PCGF2: variants seen among roughly 807,000 people sequenced by gnomAD.
PCGF2 encodes polycomb group RING finger protein 2.
In PCGF2, 8 loss-of-function variants were observed where a neutral mutation model predicts 36.1. The ratio of observed to expected loss-of-function variants is 0.22; its 90% CI spans 0.13 to 0.40. The LOEUF (loss-of-function observed/expected upper bound fraction) is 0.40, where lower values mean the gene tolerates loss of function less well. Among genes scored for constraint, PCGF2 ranks in the 10% least tolerant of loss-of-function variants. The pLI is 1.00. For missense variants in PCGF2, 436 were observed against 475.9 expected, an observed-to-expected ratio of 0.92 and a Z score of 0.78; for synonymous variants, 198 against 191.2, an observed-to-expected ratio of 1.04 and a Z score of -0.29.
At position 38,739,049 on chromosome 17, in the gene PCGF2, CA is replaced by C; in HGVS notation, c.316+18del. On this transcript the variant is annotated intron_variant, in intron 6 of 10. Coordinates refer to ENST00000620225, the MANE Select transcript of PCGF2 (RefSeq NM_007144.3). This position sits in a 1 kb window ranked among gnomAD's most constrained non-coding sequence, Gnocchi z 4.0. The stretch of plus-strand genomic sequence containing the variant: ...CCAGGCAAGACTGTGCACACACAAA[CA>C]GACGCGAGCACACTCACCCTCCGTC... 6.2e-7 allele frequency: 1 copy of C among 1,612,156 alleles called. No individual in the cohort carries two copies.
chr17:38,737,003 A>G (rs757911912), intron 9 of PCGF2, among the ~76,000 whole-genome samples: 28 of 150,070 alleles, frequency 1.9e-4, no homozygotes, highest in Admixed American at 4.6e-4. Flanking sequence ...GTGGTGCCAC[A>G]TGCCTGTATC....
intron 2 of PCGF2, among the ~76,000 whole-genome samples, chr17:38,744,504 T>G (rs569744982): frequency 3.3e-5 from 5 of 152,134 alleles, no homozygotes; most frequent in Non-Finnish European, 5.9e-5. Flanking sequence ...TACAGGCGTG[T>G]GCCACCACAC....
At position 38,738,496 on chromosome 17, in the gene PCGF2, C is replaced by G. The variant is rs559610743; in HGVS notation, c.480+45G>C. 4.5e-5 allele frequency: 72 copies of G among 1,612,896 alleles called. No homozygotes were observed. In the South Asian group the frequency reaches 7.6e-4, roughly 17 times the overall value. On this transcript the variant is annotated intron_variant, in intron 8 of 10. Transcript: ENST00000620225. ...GGTAGGGGATCCACCCCAGGCCACTCCCTCCCAGCCCACATTCCAGTCCTG... is the reference window on the plus strand; with the variant it reads ...GGTAGGGGATCCACCCCAGGCCACTGCCTCCCAGCCCACATTCCAGTCCTG...
chr17:38,735,233 G>A lies in PCGF2; in HGVS notation c.1025C>T (p.Pro342Leu), dbSNP rs770193210. ...AGAGGGTCCCTGGCCTCAAGTTAAG[G>A]GGGGCACGGGAGCGCCGTTGACAGT... is the stretch of plus-strand genomic sequence containing the variant. Reference protein sequence around the residue: ...KMTVNGAPVPPLT With the variant: ...KMTVNGAPVPLLT Residue 342 changes from proline (P) to leucine (L), a missense_variant, in exon 11 of 11, where the codon CCC (proline) becomes CTC (leucine). By Grantham distance (98) the Pro-to-Leu change is moderately conservative. Coordinates refer to ENST00000620225, the MANE Select transcript of PCGF2 (RefSeq NM_007144.3). 3 of 1,428,530 alleles carry A rather than the reference G, an allele frequency of 2.1e-6. No homozygotes were observed. The highest frequency in any genetic ancestry group is 2.8e-6 in the Non-Finnish European group (3 of 1,080,658). The allele number at this position is 1,428,530 out of a possible 1,614,324, so 88.5% of individuals were successfully genotyped here.
intron 2 of PCGF2, among the ~76,000 whole-genome samples, chr17:38,741,893 C>T (rs1378859818): frequency 1.3e-5 from 2 of 152,190 alleles, no homozygotes; most frequent in Non-Finnish European, 2.9e-5. Context: ...ACACAGGGTC[C>T]AGGAACCCCC....
chr17:38,740,817 A>C lies in PCGF2; in HGVS notation c.-40-375T>G, dbSNP rs556442953. On this transcript the variant is annotated intron_variant, in intron 2 of 10. Coordinates refer to ENST00000620225, the MANE Select transcript of PCGF2 (RefSeq NM_007144.3). ...GGCAGCCCCTCTTACGCTTCACTCC[A>C]CACCTCCCCCCACCAGCACATCTCT... Among the ~76,000 whole-genome samples the C allele has an allele frequency of 1.5e-3, 221 of 151,800 alleles. 1 individual carries two copies. Among genetic ancestry groups the C allele is most frequent in the African/African-American group, 4.9e-3 (203 of 41,390 alleles).
chr17:38,735,880 G>A (rs111258634), intron 10 of PCGF2, among the ~76,000 whole-genome samples: 201 of 152,298 alleles, frequency 1.3e-3, no homozygotes, highest in African/African-American at 4.0e-3. Flanking sequence ...TGGGGACACC[G>A]TCTGCCCAGG....
rs1906572977 is a variant in PCGF2 at position 38,735,062 on chromosome 17, G to T, written c.*161C>A. 1.6e-5 allele frequency: 7 copies of T among 449,672 alleles called. No individual in the cohort carries two copies. Among genetic ancestry groups the T allele is most frequent in the East Asian group, 1.1e-4 (3 of 28,392 alleles). The allele number at this position is 449,672 out of a possible 1,614,324, so 27.9% of individuals were successfully genotyped here. On this transcript the variant is annotated 3_prime_UTR_variant, in exon 11 of 11. Coordinates refer to ENST00000620225, the MANE Select transcript of PCGF2 (RefSeq NM_007144.3). ...CATAGAAAATAAGTATGTATATTTG[G>T]TTTTTCCTATGTACATATATATATA...
chr17:38,738,931 A>G lies in PCGF2; in HGVS notation c.317-70T>C, dbSNP rs1360933487. The G allele has an allele frequency of 1.3e-5, 20 of 1,542,464 alleles. No homozygotes were observed. In the African/African-American group the frequency reaches 2.4e-4, roughly 19 times the overall value. On this transcript the variant is annotated intron_variant, in intron 6 of 10. Transcript: ENST00000620225. The stretch of plus-strand genomic sequence containing the variant: ...GGAGCCCGCCAAGGACCCAGAGATC[A>G]TGAACTCAGCCAGGTGAGCCCAGCC...
intron 9 of PCGF2, among the ~76,000 whole-genome samples, chr17:38,737,338 C>T (rs1373514536): frequency 6.6e-6 from 1 of 151,778 alleles, no homozygotes; most frequent in East Asian, 1.9e-4. Context: ...TGGCATGTAC[C>T]TGTAGTCCCA....
At chr17:38,746,913 G>T (rs576071389) in intron 2 of PCGF2, among the ~76,000 whole-genome samples, 3 of 152,204 alleles carry the variant, frequency 2.0e-5, no homozygotes, top group South Asian at 2.1e-4. Context: ...CAGAGTGAAG[G>T]GGGGAGGGAG....
intron 2 of PCGF2, among the ~76,000 whole-genome samples, chr17:38,743,094 C>CTTTTTTT (rs71138648): frequency 7.2e-6 from 1 of 138,762 alleles, no homozygotes; most frequent in African/African-American, 2.7e-5. Flanking sequence ...GACACTTGCT[C>CTTTTTTT]TTTTTTTTTT....
chr17:38,736,123 G>T lies in PCGF2; in HGVS notation c.624C>A (p.Leu208=). ...AGGGGTAGATGTAGGCGATGTCCAT[G>T]AGGGTGTAGTATTCCTTCAGTGGCT... ...EDEPLKEYYT[L]MDIAYIYPWR... is the part of the protein sequence containing the mutation. Residue 208 remains leucine, a synonymous_variant, in exon 10 of 11, where the codon CTC becomes CTA. Transcript: ENST00000620225. 1 of 1,587,292 alleles carries T rather than the reference G, an allele frequency of 6.3e-7. No individual in the cohort carries two copies. The highest frequency in any genetic ancestry group is 8.6e-7 in the Non-Finnish European group (1 of 1,166,528).
chr17:38,736,913 T>C (rs1906804323), intron 9 of PCGF2, among the ~76,000 whole-genome samples: 1 of 151,130 alleles, frequency 6.6e-6, no homozygotes, highest in Non-Finnish European at 1.5e-5. Flanking sequence ...TCCCAGAGCT[T>C]TGGGAGGCCG....
chr17:38,742,070 C>T (rs768155842), intron 2 of PCGF2, among the ~76,000 whole-genome samples: 66 of 152,210 alleles, frequency 4.3e-4, no homozygotes, highest in Non-Finnish European at 5.0e-4. Flanking sequence ...GTCCCCAGAC[C>T]GCCTGCTCGA....
At chr17:38,738,948 A>T (rs906535176) in intron 6 of PCGF2, 87 bp from the exon 7 acceptor site, 2 of 1,530,462 alleles carry the variant, frequency 1.3e-6, no homozygotes, top group Non-Finnish European at 1.8e-6. Context: ...CAGCCAGGTG[A>T]GCCCAGCCAC....
chr17:38,735,130 A>T lies in PCGF2; in HGVS notation c.*93T>A. The T allele has an allele frequency of 1.0e-6, 1 of 976,612 alleles. No homozygotes were observed. The highest frequency in any genetic ancestry group is 1.4e-6 in the Non-Finnish European group (1 of 728,080). The allele number at this position is 976,612 out of a possible 1,614,324, so 60.5% of individuals were successfully genotyped here. On this transcript the variant is annotated 3_prime_UTR_variant, in exon 11 of 11. Coordinates refer to ENST00000620225, the MANE Select transcript of PCGF2 (RefSeq NM_007144.3). ...CGCCCCCCACCCCCAAGGTGGGAAGAGCTGGGGAAAGTAGAAGAGGTGGAA... is the reference window on the plus strand; with the variant it reads ...CGCCCCCCACCCCCAAGGTGGGAAGTGCTGGGGAAAGTAGAAGAGGTGGAA...
At chr17:38,735,993 G>T in intron 10 of PCGF2, 97 bp downstream of exon 10, 2 of 844,526 alleles carry the variant, frequency 2.4e-6, no homozygotes, top group South Asian at 1.4e-5. Flanking sequence ...ATAAGGGACA[G>T]ACTGTCTCTG....
intron 9 of PCGF2, 70 bp from the exon 10 acceptor site, chr17:38,736,240 C>T: frequency 1.1e-6 from 1 of 940,430 alleles, no homozygotes; most frequent in Non-Finnish European, 1.7e-6. Context: ...ATGTGGGGGA[C>T]TGGGAGGCGG....
Sources: allele counts gnomAD v4.1 joint callset (sites outside exome capture counted in the v4.1 genomes callset), GRCh38; gene constraint gnomAD v4.1.1; non-coding constraint Gnocchi (gnomAD v3.1); transcripts MANE v1.5; gene names NCBI Gene and HGNC (gene_info 2026-07-23, HGNC 2026-07-21).